CHRNA7: variants seen among roughly 807,000 people sequenced by gnomAD.
CHRNA7 encodes the protein cholinergic receptor nicotinic alpha 7 subunit.
Under a neutral mutation model 48.0 loss-of-function variants are expected in CHRNA7, and 17 were observed. That is an observed-to-expected ratio of 0.35 (90% CI 0.24 to 0.53). CHRNA7 has a LOEUF of 0.53. CHRNA7 is among the 20% of genes least tolerant of loss of function. The pLI, the probability that CHRNA7 is intolerant of heterozygous loss-of-function variation, is 0.92. For missense variants in CHRNA7, 155 were observed against 577.7 expected (o/e 0.27, Z 7.50); for synonymous variants, 75 against 242.3 (o/e 0.31, Z 6.41).
intron 4 of CHRNA7, among the ~76,000 whole-genome samples, chr15:32,121,125 CA>C (rs1186930419): frequency 2.0e-5 from 3 of 152,192 alleles, no homozygotes; most frequent in Non-Finnish European, 4.4e-5. Flanking sequence ...CTCAGCAGTG[CA>C]GGGTGTGGGG....
chr15:32,102,958 A>G (rs773203258), intron 3 of CHRNA7: 2 of 152,248 alleles, frequency 1.3e-5, no homozygotes, highest in Non-Finnish European at 2.9e-5. Context: ...CTGACCTTTG[A>G]AAGTATTTGC....
rs545096110 is a variant in CHRNA7 at position 32,083,642 on chromosome 15, C to T, written c.196-17661C>T. On this transcript the variant is annotated intron_variant, in intron 2 of 9. Transcript: ENST00000306901. ...ACTATTATATAGATTCAAACTTGGA[C>T]GTCATCTACACATAGCAATTTATTC... Among the ~76,000 whole-genome samples the T allele has an allele frequency of 5.3e-5, 8 of 152,176 alleles. No homozygotes were observed. The South Asian group carries it at 1.2e-3, about 24-fold the overall frequency.
intron 4 of CHRNA7, among the ~76,000 whole-genome samples, chr15:32,144,561 A>G (rs986388213): frequency 2.0e-5 from 3 of 152,152 alleles, no homozygotes; most frequent in African/African-American, 4.8e-5. Flanking sequence ...CCAATCAAAC[A>G]TAGATTTGGT....
At chr15:32,142,479 A>G (rs993448246) in intron 4 of CHRNA7, among the ~76,000 whole-genome samples, 2 of 152,218 alleles carry the variant, frequency 1.3e-5, no homozygotes, top group African/African-American at 4.8e-5. Context: ...TGATTGGAAT[A>G]GTTTCCGAAG....
chr15:32,137,558 A>G (rs1456873178), intron 4 of CHRNA7, among the ~76,000 whole-genome samples: 1 of 152,224 alleles, frequency 6.6e-6, no homozygotes, highest in African/African-American at 2.4e-5. Context: ...TGATAGTGTA[A>G]CAAGGGGAAA....
intron 2 of CHRNA7, among the ~76,000 whole-genome samples, chr15:32,096,673 A>G (rs1218969962): frequency 7.9e-5 from 12 of 152,124 alleles, no homozygotes; most frequent in Admixed American, 5.2e-4. Flanking sequence ...GGAGCTCTGT[A>G]AAATCACATG....
At chr15:32,036,207 A>G (rs891028694) in intron 2 of CHRNA7, among the ~76,000 whole-genome samples, 2 of 152,092 alleles carry the variant, frequency 1.3e-5, no homozygotes, top group Non-Finnish European at 2.9e-5. Context: ...AGATGGACTT[A>G]TTTCACTTAG....
At chr15:32,036,183 T>C (rs2141163063) in intron 2 of CHRNA7, among the ~76,000 whole-genome samples, 1 of 152,326 alleles carries the variant, frequency 6.6e-6, no homozygotes. Flanking sequence ...AATCATACAG[T>C]CTGTAGCCTT....
At chr15:32,069,233 C>G (rs2050015661) in intron 2 of CHRNA7, among the ~76,000 whole-genome samples, 1 of 152,070 alleles carries the variant, frequency 6.6e-6, no homozygotes, top group South Asian at 2.1e-4. Flanking sequence ...GGTCAAGTAT[C>G]CAGCATATGT....
At chr15:32,093,114 C>G (rs1033071527) in intron 2 of CHRNA7, among the ~76,000 whole-genome samples, 1 of 152,098 alleles carries the variant, frequency 6.6e-6, no homozygotes, top group Non-Finnish European at 1.5e-5. Context: ...CCTTTCTGTT[C>G]AAGGGTAGTT....
chr15:32,072,997 A>G (rs980666976), intron 2 of CHRNA7, among the ~76,000 whole-genome samples: 2 of 152,186 alleles, frequency 1.3e-5, no homozygotes, highest in African/African-American at 2.4e-5. Flanking sequence ...GTCACTGCCT[A>G]CTGGAGCTGT....
intron 2 of CHRNA7, among the ~76,000 whole-genome samples, chr15:32,065,461 T>G (rs947396772): frequency 6.6e-6 from 1 of 152,234 alleles, no homozygotes; most frequent in African/African-American, 2.4e-5. Context: ...GTTGAAAATT[T>G]AGAAGTAATT....
intron 2 of CHRNA7, among the ~76,000 whole-genome samples, chr15:32,052,979 A>G (rs2141191642): frequency 6.6e-6 from 1 of 152,330 alleles, no homozygotes; most frequent in Middle Eastern, 3.4e-3. Context: ...AAAATATCAC[A>G]TGTACCTCCA....
chr15:32,065,111 A>C (rs1412453852), intron 2 of CHRNA7, among the ~76,000 whole-genome samples: 3 of 152,246 alleles, frequency 2.0e-5, no homozygotes, highest in Non-Finnish European at 4.4e-5. Flanking sequence ...AAAAGCTAGC[A>C]GCAATCTGGG....
intron 4 of CHRNA7, among the ~76,000 whole-genome samples, chr15:32,138,280 A>G (rs1486305977): frequency 6.6e-6 from 1 of 152,196 alleles, no homozygotes; most frequent in Non-Finnish European, 1.5e-5. Flanking sequence ...ATATTGTGAC[A>G]CAATTTTATG....
intron 2 of CHRNA7, among the ~76,000 whole-genome samples, chr15:32,055,398 G>A (rs2049769536): frequency 6.6e-6 from 1 of 152,132 alleles, no homozygotes; most frequent in African/African-American, 2.4e-5. Context: ...TAGTTCTGGG[G>A]ATGGTAAAGT....
At chr15:32,129,458 T>C (rs2051120948) in intron 4 of CHRNA7, among the ~76,000 whole-genome samples, 1 of 151,952 alleles carries the variant, frequency 6.6e-6, no homozygotes, top group African/African-American at 2.4e-5. Context: ...CTTCAGCTTA[T>C]TTATAGCCTA....
intron 4 of CHRNA7, among the ~76,000 whole-genome samples, chr15:32,147,102 A>T (rs186596997): frequency 6.6e-6 from 1 of 152,224 alleles, no homozygotes; most frequent in African/African-American, 2.4e-5. Context: ...AATCCGTCCT[A>T]TGCCATATCC....
chr15:32,112,127 C>G, intron 4 of CHRNA7: 1 of 623,948 alleles, frequency 1.6e-6, no homozygotes, highest in African/African-American at 1.8e-5. Flanking sequence ...TAGCCTGCTA[C>G]TTAAGACGCC....
Sources: gnomAD v4.1 joint callset for allele counts (sites outside exome capture counted in the v4.1 genomes callset) on GRCh38, gnomAD v4.1.1 for gene constraint, MANE v1.5 for transcripts, NCBI Gene and HGNC (gene_info 2026-07-23, HGNC 2026-07-21) for gene names.